The following DPP8 variants were observed in gnomAD, a reference collection of about 807,000 sequenced individuals.
DPP8 encodes the protein DPP VIII.
Under a neutral mutation model 107.5 loss-of-function variants are expected in DPP8, and 31 were observed. The ratio of observed to expected loss-of-function variants is 0.29; its 90% confidence interval spans 0.22 to 0.39. DPP8 has a LOEUF of 0.39. Among genes scored for constraint, DPP8 ranks in the 10% least tolerant of loss-of-function variants. DPP8 has a pLI of 1.00. For synonymous variants in DPP8, 381 were observed against 356.6 expected (o/e 1.07, Z -0.77); for missense variants, 842 against 1,076.1 (o/e 0.78, Z 3.04).
At chr15:65,458,557 AG>A (rs2064639970) in intron 15 of DPP8, 1 of 152,060 alleles carries the variant, frequency 6.6e-6, no homozygotes, top group African/African-American at 2.4e-5. Context: ...CACCTTACCC[AG>A]CCTTGTTAAA....
chr15:65,485,236 T>A, intron 7 of DPP8, 76 bp from the exon 8 acceptor site: 2 of 1,111,608 alleles, frequency 1.8e-6, no homozygotes, highest in Non-Finnish European at 2.7e-6. Flanking sequence ...CAATCCTCTT[T>A]ACACTTTAGT....
intron 2 of DPP8, among the ~76,000 whole-genome samples, chr15:65,508,820 C>T (rs1246635300): frequency 1.3e-5 from 2 of 151,994 alleles, no homozygotes; most frequent in Non-Finnish European, 2.9e-5. Flanking sequence ...CCACTGCACT[C>T]CAGCCTGGGC....
chr15:65,465,525 T>C (rs993102969), intron 14 of DPP8, among the ~76,000 whole-genome samples: 8 of 151,484 alleles, frequency 5.3e-5, no homozygotes, highest in African/African-American at 1.2e-4. Flanking sequence ...GAAAAAAAGA[T>C]TGGAGATTAA....
At chr15:65,515,543 G>T in intron 1 of DPP8, 1 of 878,360 alleles carries the variant, frequency 1.1e-6, no homozygotes, top group Non-Finnish European at 1.8e-6. Context: ...TAGGTGACCT[G>T]AATTTTCTAA....
chr15:65,516,270 G>A (rs943080483), intron 1 of DPP8: 2 of 153,644 alleles, frequency 1.3e-5, no homozygotes, highest in African/African-American at 2.4e-5. Context: ...TTTGCAGAAA[G>A]GGAATTAACT....
rs1176301737 is a variant in DPP8 at position 65,443,351 on chromosome 15, A to G, written c.*3533T>C. ...TGTTCTTCTAACAAATGAGAATATC[A>G]GCTTAGATTAAATCAAATATTGATT... On this transcript the variant is annotated 3_prime_UTR_variant, in exon 20 of 20. Transcript: ENST00000300141. 2.6e-5 allele frequency: 4 copies of G among 152,180 alleles called. No homozygotes were observed. The highest frequency in any genetic ancestry group is 5.9e-5 in the Non-Finnish European group (4 of 68,048). The allele number at this position is 152,180 out of a possible 1,614,324, so 9.4% of individuals were successfully genotyped here.
intron 16 of DPP8, chr15:65,455,776 T>C: frequency 7.8e-7 from 1 of 1,288,352 alleles, no homozygotes; most frequent in Non-Finnish European, 1.0e-6. Flanking sequence ...AACATCGGAT[T>C]CTCATCATTT....
At chr15:65,486,410 A>T (rs927239309) in intron 7 of DPP8, among the ~76,000 whole-genome samples, 1 of 151,826 alleles carries the variant, frequency 6.6e-6, no homozygotes, top group Non-Finnish European at 1.5e-5. Context: ...CAAAAACAAA[A>T]AACAAAAATT....
In DPP8 at chr15:65,443,384, G is replaced by A. The variant is rs2063367944; in HGVS notation, c.*3500C>T. ...TTAAATCAAATATTGATTCCATCTTGAAAAATGCATGATTTAATAATGAGA... is the reference window on the plus strand; with the variant it reads ...TTAAATCAAATATTGATTCCATCTTAAAAAATGCATGATTTAATAATGAGA... On this transcript the variant is annotated 3_prime_UTR_variant, in exon 20 of 20. Coordinates refer to ENST00000300141, the MANE Select transcript of DPP8 (RefSeq NM_130434.5). The A allele has an allele frequency of 1.3e-5, 2 of 151,596 alleles. No homozygotes were observed. The allele number at this position is 151,596 out of a possible 1,614,324, so 9.4% of individuals were successfully genotyped here. A position where few individuals can be genotyped will look rare whatever the true frequency, so the allele number is the denominator to read the frequency against.
At chr15:65,458,251 T>A (rs1249453364) in intron 15 of DPP8, among the ~76,000 whole-genome samples, 3 of 151,370 alleles carry the variant, frequency 2.0e-5, no homozygotes, top group Non-Finnish European at 1.5e-5. Context: ...AACATAAGTA[T>A]TTGTTACACA....
chr15:65,476,031 C>T (rs2066356133), intron 11 of DPP8, among the ~76,000 whole-genome samples: 1 of 152,190 alleles, frequency 6.6e-6, no homozygotes, highest in African/African-American at 2.4e-5. Flanking sequence ...GGATTACAGG[C>T]GTGGGCCACC....
At chr15:65,448,896 A>G (rs1325322226) in intron 19 of DPP8, among the ~76,000 whole-genome samples, 5,003 of 80,572 alleles carry the variant, frequency 0.062, 1,010 homozygotes, top group African/African-American at 0.25. Context: ...ATATATATAT[A>G]TATATATATA....
chr15:65,498,446 T>C (rs775239185), intron 4 of DPP8, among the ~76,000 whole-genome samples: 13 of 149,392 alleles, frequency 8.7e-5, no homozygotes, highest in Middle Eastern at 3.5e-3. Context: ...AAGTCAACAA[T>C]GATAATTGCT....
intron 12 of DPP8, among the ~76,000 whole-genome samples, chr15:65,471,366 G>A (rs922990789): frequency 6.6e-6 from 1 of 152,058 alleles, no homozygotes; most frequent in Admixed American, 6.6e-5. Context: ...CTGTTGTTTT[G>A]AGGCGGGTAT....
chr15:65,491,809 T>C (rs951458314), intron 5 of DPP8, among the ~76,000 whole-genome samples: 4 of 152,242 alleles, frequency 2.6e-5, no homozygotes, highest in Non-Finnish European at 4.4e-5. Flanking sequence ...CTCGGCTCAC[T>C]GCAAGCTCCA....
intron 14 of DPP8, among the ~76,000 whole-genome samples, chr15:65,465,031 G>A (rs1027433741): frequency 6.6e-6 from 1 of 152,124 alleles, no homozygotes; most frequent in Non-Finnish European, 1.5e-5. Context: ...AAGCTATACA[G>A]ACCTCTCCTA....
chr15:65,445,219 A>G lies in DPP8; in HGVS notation c.*1665T>C, dbSNP rs2063452680. Reference sequence around the variant, plus strand: ...AGTCCACCTCTTACCAATAGTCACCAACCTTACTAATGGAGGCTGTGCTCT... The same window carrying G: ...AGTCCACCTCTTACCAATAGTCACCGACCTTACTAATGGAGGCTGTGCTCT... On this transcript the variant is annotated 3_prime_UTR_variant, in exon 20 of 20. Transcript: ENST00000300141. 1 of 152,224 alleles carries G rather than the reference A, an allele frequency of 6.6e-6. No homozygotes were observed. Among genetic ancestry groups the G allele is most frequent in the Non-Finnish European group, 1.5e-5 (1 of 68,036 alleles). 9.4% of individuals were successfully genotyped at this position (152,224 alleles called of 1,614,324 possible). A position where few individuals can be genotyped will look rare whatever the true frequency, so the allele number is the denominator to read the frequency against.
rs557591603 is a variant in DPP8 at position 65,458,993 on chromosome 15, A to G, written c.1972-2622T>C. 15 of 151,452 alleles carry G rather than the reference A, an allele frequency of 9.9e-5. 1 individual carries two copies. Among genetic ancestry groups the G allele is most frequent in the African/African-American group, 3.6e-4 (15 of 41,308 alleles). 9.4% of individuals were successfully genotyped at this position (151,452 alleles called of 1,614,324 possible). A position where few individuals can be genotyped will look rare whatever the true frequency, so the allele number is the denominator to read the frequency against. ...ATATCATGTGAAATCTCATGGGAAA[A>G]TCTCCCTGCAAACTGAACACCAGAT... On this transcript the variant is annotated intron_variant, in intron 15 of 19. Coordinates refer to ENST00000300141, the MANE Select transcript of DPP8 (RefSeq NM_130434.5).
chr15:65,498,177 T>C (rs2068797786), intron 4 of DPP8, 145 bp from the exon 5 acceptor site: 2 of 529,360 alleles, frequency 3.8e-6, no homozygotes, highest in Non-Finnish European at 3.1e-6. Context: ...ATCCCAGCAC[T>C]TCGGGAGGCC....
Sources: gnomAD v4.1 joint callset for allele counts (sites outside exome capture counted in the v4.1 genomes callset) on GRCh38, gnomAD v4.1.1 for gene constraint, MANE v1.5 for transcripts, NCBI Gene and HGNC (gene_info 2026-07-23, HGNC 2026-07-21) for gene names.